FRMD4A: variants seen among roughly 807,000 people sequenced by gnomAD.
FRMD4A encodes the protein FERM domain containing 4A, also known as FERM domain-containing protein 4A.
FRMD4A carries 29 observed loss-of-function variants against 129.1 expected under a neutral mutation model. That is an observed-to-expected ratio of 0.22 (90% CI 0.17 to 0.31). The LOEUF (loss-of-function observed/expected upper bound fraction) is 0.31, where lower values mean the gene tolerates loss of function less well. FRMD4A is among the 10% of genes least tolerant of loss of function. The probability of loss-of-function intolerance (pLI) is 1.00; values close to 1 mark genes in which losing one functional copy is unlikely to be tolerated. For missense variants in FRMD4A, 1,272 were observed against 1,375.8 expected (o/e 0.92, Z 1.19); for synonymous variants, 634 against 571.6 (o/e 1.11, Z -1.56).
At chr10:14,328,161 C>T (rs1770986338) in intron 2 of FRMD4A, among the ~76,000 whole-genome samples, 1 of 152,082 alleles carries the variant, frequency 6.6e-6, no homozygotes. Context: ...TCAAACGGTC[C>T]ATCAGGGTGT....
At chr10:13,828,251 A>T (rs2093733470) in intron 3 of FRMD4A, among the ~76,000 whole-genome samples, 1 of 152,180 alleles carries the variant, frequency 6.6e-6, no homozygotes, top group African/African-American at 2.4e-5. Flanking sequence ...CTGGGCTTTT[A>T]GTGTATCCAT....
intron 2 of FRMD4A, among the ~76,000 whole-genome samples, chr10:14,178,745 G>T (rs1227059685): frequency 6.6e-6 from 1 of 151,938 alleles, no homozygotes; most frequent in Non-Finnish European, 1.5e-5. Context: ...GGCACTCTCT[G>T]CTTGCAATTT....
chr10:14,086,949 T>C (rs574213279), intron 2 of FRMD4A, among the ~76,000 whole-genome samples: 1 of 152,136 alleles, frequency 6.6e-6, no homozygotes, highest in South Asian at 2.1e-4. Flanking sequence ...AATTCTGGGA[T>C]TATATGGTGC....
chr10:14,258,875 A>T (rs1844705110), intron 2 of FRMD4A, among the ~76,000 whole-genome samples: 1 of 152,208 alleles, frequency 6.6e-6, no homozygotes, highest in East Asian at 1.9e-4. Context: ...TTTCAAAATA[A>T]TTATGCTGAA....
intron 2 of FRMD4A, among the ~76,000 whole-genome samples, chr10:13,981,195 T>TA (rs1338218785): frequency 6.6e-6 from 1 of 152,156 alleles, no homozygotes; most frequent in Admixed American, 6.5e-5. Context: ...TATGATTTGG[T>TA]AACGAAGCTT....
intron 2 of FRMD4A, among the ~76,000 whole-genome samples, chr10:14,049,036 T>C (rs1283283138): frequency 1.3e-5 from 2 of 152,212 alleles, no homozygotes; most frequent in Non-Finnish European, 1.5e-5. Flanking sequence ...GAGTTCTGTG[T>C]TCAGGAACTC....
chr10:13,862,938 G>T (rs1417364406), intron 2 of FRMD4A, among the ~76,000 whole-genome samples: 3 of 144,652 alleles, frequency 2.1e-5, no homozygotes, highest in East Asian at 2.1e-4. Flanking sequence ...GTTCTGTTTT[G>T]TTTTTTTTTT....
At chr10:14,128,006 TTC>T (rs1838991574) in intron 2 of FRMD4A, among the ~76,000 whole-genome samples, 1 of 102,834 alleles carries the variant, frequency 9.7e-6, no homozygotes, top group Admixed American at 1.0e-4. Context: ...CTCTCTTTCT[TTC>T]TTTCTTCCTT....
At chr10:14,246,733 G>A (rs536460412) in intron 2 of FRMD4A, among the ~76,000 whole-genome samples, 101 of 152,274 alleles carry the variant, frequency 6.6e-4, no homozygotes, top group Non-Finnish European at 1.2e-3. Context: ...CCCAAAGGAC[G>A]TTGTGGCGCC....
chr10:13,685,093 C>A (rs2084951905), intron 15 of FRMD4A: 2 of 984,420 alleles, frequency 2.0e-6, no homozygotes. Context: ...TTGCAGACTG[C>A]AGGATAAACG....
At chr10:13,934,292 C>T (rs2095230152) in intron 2 of FRMD4A, among the ~76,000 whole-genome samples, 1 of 152,178 alleles carries the variant, frequency 6.6e-6, no homozygotes, top group Admixed American at 6.5e-5. Context: ...AATCTAGATT[C>T]ACAGAGAAAA....
chr10:14,047,071 G>C (rs1834021045), intron 2 of FRMD4A, among the ~76,000 whole-genome samples: 1 of 152,164 alleles, frequency 6.6e-6, no homozygotes, highest in Admixed American at 6.5e-5. Flanking sequence ...GTGAAAGAAT[G>C]ACTCTCTGTG....
intron 2 of FRMD4A, among the ~76,000 whole-genome samples, chr10:14,104,530 C>T (rs551128677): frequency 1.3e-5 from 2 of 152,252 alleles, no homozygotes; most frequent in Non-Finnish European, 2.9e-5. Flanking sequence ...CAGAGCCTAT[C>T]TATGCCTTCC....
At chr10:13,925,566 C>CTTGTTTTTTTTT (rs2095122616) in intron 2 of FRMD4A, among the ~76,000 whole-genome samples, 1 of 61,936 alleles carries the variant, frequency 1.6e-5, no homozygotes, top group Admixed American at 2.6e-4. Flanking sequence ...TAGTGAAACG[C>CTTGTTTTTTTTT]TTTTTTTTTT....
chr10:14,248,068 CTTCCCTCAGCTGCCCAA>C (rs1844307870), intron 2 of FRMD4A, among the ~76,000 whole-genome samples: 1 of 152,190 alleles, frequency 6.6e-6, no homozygotes, highest in African/African-American at 2.4e-5. Context: ...TTCTCTGTTG[CTTCCCTCAGCTGCCCAA>C]TTCCCCACGT....
At chr10:14,031,324 A>G (rs923842006) in intron 2 of FRMD4A, among the ~76,000 whole-genome samples, 24 of 151,016 alleles carry the variant, frequency 1.6e-4, no homozygotes, top group Non-Finnish European at 3.4e-4. Flanking sequence ...CTGGAGTGCA[A>G]TGGCACAATC....
intron 2 of FRMD4A, among the ~76,000 whole-genome samples, chr10:14,167,422 T>C (rs1168098791): frequency 1.3e-5 from 2 of 149,762 alleles, no homozygotes; most frequent in Non-Finnish European, 3.0e-5. Context: ...ATCCCAGCTA[T>C]GCATGAGGCT....
intron 3 of FRMD4A, among the ~76,000 whole-genome samples, chr10:13,816,322 C>T (rs1340931019): frequency 6.6e-6 from 1 of 152,314 alleles, no homozygotes; most frequent in Non-Finnish European, 1.5e-5. Flanking sequence ...TTTCTGCTGT[C>T]ATGGTGACTG....
chr10:13,878,822 G>GGGAGGGAAGGAAGGAAGGAA (rs1554953625), intron 2 of FRMD4A, among the ~76,000 whole-genome samples: 10 of 140,770 alleles, frequency 7.1e-5, no homozygotes, highest in African/African-American at 2.2e-4. Flanking sequence ...GAGGGAGGGA[G>GGGAGGGAAGGAAGGAAGGAA]GGAAGGAAGG....
Sources: gnomAD v4.1 joint callset for allele counts (sites outside exome capture counted in the v4.1 genomes callset) on GRCh38, gnomAD v4.1.1 for gene constraint, MANE v1.5 for transcripts, NCBI Gene and HGNC (gene_info 2026-07-23, HGNC 2026-07-21) for gene names.